STARD13: variants seen among roughly 807,000 people sequenced by gnomAD.
STARD13 encodes StAR related lipid transfer domain containing 13, also known as stAR-related lipid transfer protein 13.
In STARD13, 62 loss-of-function variants were observed where a neutral mutation model predicts 106.4. That is an observed-to-expected ratio of 0.58 (90% CI 0.48 to 0.72). The LOEUF is 0.72. STARD13 is among the 30% of genes least tolerant of loss of function. The pLI is 0.00. For missense variants in STARD13, 1,387 were observed against 1,424.0 expected, an observed-to-expected ratio of 0.97 and a Z score of 0.42; for synonymous variants, 565 against 553.0, an observed-to-expected ratio of 1.02 and a Z score of -0.31.
At chr13:33,252,269 T>G (rs768882095) in intron 1 of STARD13, among the ~76,000 whole-genome samples, 2 of 152,168 alleles carry the variant, frequency 1.3e-5, no homozygotes, top group Non-Finnish European at 2.9e-5. Context: ...TGCCTATTTT[T>G]GACAACATGG....
chr13:33,569,983 C>T, the STARD13 span, among the ~76,000 whole-genome samples: 2 of 147,128 alleles, frequency 1.4e-5, no homozygotes, highest in Non-Finnish European at 3.0e-5. Context: ...GCTTGGGTGA[C>T]AGGTGCACTA....
the STARD13 span, among the ~76,000 whole-genome samples, chr13:33,376,408 G>C: frequency 4.6e-5 from 7 of 152,262 alleles, no homozygotes; most frequent in African/African-American, 1.7e-4. Flanking sequence ...GGAGGAAATG[G>C]GAAGGCAGCA....
At chr13:33,409,294 A>G in the STARD13 span, among the ~76,000 whole-genome samples, 2 of 152,128 alleles carry the variant, frequency 1.3e-5, no homozygotes, top group African/African-American at 4.8e-5. Context: ...TCTAAGACCC[A>G]GCTACTATCA....
the STARD13 span, among the ~76,000 whole-genome samples, chr13:33,576,338 T>C: frequency 1.3e-5 from 2 of 152,148 alleles, no homozygotes; most frequent in Non-Finnish European, 2.9e-5. Flanking sequence ...TTCTTCTGCC[T>C]CAGACTCCCA....
chr13:33,653,236 CG>C, the STARD13 span, among the ~76,000 whole-genome samples: 1 of 152,050 alleles, frequency 6.6e-6, no homozygotes, highest in African/African-American at 2.4e-5. Context: ...TTGAGGAAGA[CG>C]AACAAAGTTA....
intron 1 of STARD13, among the ~76,000 whole-genome samples, chr13:33,189,443 GAGGGA>G (rs1886074899): frequency 1.7e-5 from 2 of 119,264 alleles, no homozygotes; most frequent in African/African-American, 3.0e-5. Context: ...TCGGAGGAAG[GAGGGA>G]AAGCAGGAGG....
At chr13:33,497,226 T>A in the STARD13 span, among the ~76,000 whole-genome samples, 2 of 152,174 alleles carry the variant, frequency 1.3e-5, no homozygotes. Context: ...TGCAAATGTA[T>A]GTTGTTGACG....
intron 4 of STARD13, among the ~76,000 whole-genome samples, chr13:33,132,206 G>A (rs1036404042): frequency 2.0e-5 from 3 of 152,152 alleles, no homozygotes; most frequent in South Asian, 2.1e-4. Context: ...AGTCAGGTGC[G>A]GTGGCTGATA....
the STARD13 span, among the ~76,000 whole-genome samples, chr13:33,647,003 GC>G: frequency 2.6e-5 from 4 of 152,038 alleles, no homozygotes; most frequent in South Asian, 6.2e-4. Context: ...GAAGTATGCA[GC>G]CCCCCCTAAA....
the STARD13 span, among the ~76,000 whole-genome samples, chr13:33,462,797 C>G: frequency 5.3e-5 from 8 of 152,242 alleles, no homozygotes; most frequent in South Asian, 1.7e-3. Flanking sequence ...TGGATGGTGC[C>G]CACCCAGATT....
In STARD13 at chr13:33,299,383, C is replaced by A. The variant is rs898015853; in HGVS notation, c.124+50907G>T. Among the ~76,000 whole-genome samples the A allele has an allele frequency of 2.0e-5, 3 of 152,172 alleles. No individual in the cohort carries two copies. In the South Asian group the frequency reaches 6.2e-4, roughly 32 times the overall value. On this transcript the variant is annotated intron_variant, in intron 1 of 5. Coordinates refer to the STARD13 transcript ENST00000567873. ...CTGGGAACCATTTGCATAAAGCAGTCTAAACACTTTTTATCCAAACACTTC... is the reference window on the plus strand; with the variant it reads ...CTGGGAACCATTTGCATAAAGCAGTATAAACACTTTTTATCCAAACACTTC...
intron 8 of STARD13, among the ~76,000 whole-genome samples, chr13:33,116,499 C>A (rs115190111): frequency 1.3e-5 from 2 of 152,308 alleles, no homozygotes; most frequent in African/African-American, 2.4e-5. Context: ...ACAGAAGTCA[C>A]GCTCTGTAAA....
Position 33,249,101 on chromosome 13 carries a change from T to G in STARD13, c.169+36369A>C, listed in dbSNP as rs571708084. ...AAAATAGGTGACATGCTACATGACATTGAAATGACTGCTAGCTTTATACAT... is the reference window on the plus strand; with the variant it reads ...AAAATAGGTGACATGCTACATGACAGTGAAATGACTGCTAGCTTTATACAT... On this transcript the variant is annotated intron_variant, in intron 1 of 13. Coordinates refer to ENST00000336934, the MANE Select transcript of STARD13 (RefSeq NM_178006.4). 1.7e-4 allele frequency among the ~76,000 whole-genome samples: 26 copies of G among 152,318 alleles called. 1 individual carries two copies. The South Asian group carries it at 5.2e-3, about 30-fold the overall frequency.
the STARD13 span, among the ~76,000 whole-genome samples, chr13:33,401,016 C>T: frequency 6.6e-6 from 1 of 152,246 alleles, no homozygotes; most frequent in East Asian, 1.9e-4. Flanking sequence ...ACTGTAGATC[C>T]TTGAAATAAA....
At chr13:33,569,296 G>A in the STARD13 span, among the ~76,000 whole-genome samples, 1 of 147,684 alleles carries the variant, frequency 6.8e-6, no homozygotes, top group Non-Finnish European at 1.5e-5. Flanking sequence ...TGAATACTTC[G>A]AAGAGCAGTT....
At chr13:33,574,146 A>G in the STARD13 span, among the ~76,000 whole-genome samples, 1 of 152,164 alleles carries the variant, frequency 6.6e-6, no homozygotes, top group Non-Finnish European at 1.5e-5. Flanking sequence ...GGAGCTGCGG[A>G]TGTGTCTTGC....
chr13:33,501,348 G>A, the STARD13 span, among the ~76,000 whole-genome samples: 1 of 152,096 alleles, frequency 6.6e-6, no homozygotes, highest in African/African-American at 2.4e-5. Flanking sequence ...TATTCACTCT[G>A]ATGGTAGTTT....
At chr13:33,510,990 A>T in the STARD13 span, among the ~76,000 whole-genome samples, 5 of 152,170 alleles carry the variant, frequency 3.3e-5, no homozygotes, top group Admixed American at 2.0e-4. Flanking sequence ...AATTGAGCTG[A>T]CACCTAAATT....
chr13:33,643,940 G>A, the STARD13 span, among the ~76,000 whole-genome samples: 1 of 152,230 alleles, frequency 6.6e-6, no homozygotes, highest in Non-Finnish European at 1.5e-5. Flanking sequence ...AGCAAGGGCT[G>A]CAGGTAGGAG....
Sources: gnomAD v4.1 joint callset for allele counts (sites outside exome capture counted in the v4.1 genomes callset) on GRCh38, gnomAD v4.1.1 for gene constraint, MANE v1.5 for transcripts, NCBI Gene and HGNC (gene_info 2026-07-23, HGNC 2026-07-21) for gene names.